The following SPOCK1 variants were observed in gnomAD, a reference collection of about 807,000 sequenced individuals.
SPOCK1 encodes the protein SPARC (osteonectin), cwcv and kazal like domains proteoglycan 1.
SPOCK1 carries 23 observed loss-of-function variants against 55.3 expected under a neutral mutation model. The ratio of observed to expected loss-of-function variants is 0.42; its 90% CI spans 0.30 to 0.59. The LOEUF (loss-of-function observed/expected upper bound fraction) is 0.59, where lower values mean the gene tolerates loss of function less well. Among genes scored for constraint, SPOCK1 ranks in the 20% least tolerant of loss-of-function variants. The pLI is 0.22. For synonymous variants in SPOCK1, 226 were observed against 221.0 expected (o/e 1.02, Z -0.20); for missense variants, 499 against 552.5 (o/e 0.90, Z 0.97).
intron 9 of SPOCK1, among the ~76,000 whole-genome samples, chr5:136,980,393 A>C (rs563196781): frequency 5.9e-5 from 9 of 152,204 alleles, no homozygotes; most frequent in Admixed American, 2.0e-4. Flanking sequence ...TATGTTACTA[A>C]GTGATTGATA....
intron 2 of SPOCK1, among the ~76,000 whole-genome samples, chr5:137,477,993 G>T (rs1753871062): frequency 6.6e-6 from 1 of 152,220 alleles, no homozygotes; most frequent in Admixed American, 6.5e-5. Context: ...GTCAAACCCA[G>T]ATTTGAAGTT....
At chr5:137,353,258 G>A (rs564474253) in intron 2 of SPOCK1, among the ~76,000 whole-genome samples, 28 of 152,290 alleles carry the variant, frequency 1.8e-4, no homozygotes, top group African/African-American at 6.5e-4. Context: ...ATGTACGCCT[G>A]TAGTCCCAAC....
chr5:137,416,764 C>A (rs1378318622), intron 2 of SPOCK1, among the ~76,000 whole-genome samples: 1 of 152,110 alleles, frequency 6.6e-6, no homozygotes, highest in East Asian at 1.9e-4. Flanking sequence ...CCCACCAGCA[C>A]CAAGCATTGC....
intron 5 of SPOCK1, among the ~76,000 whole-genome samples, chr5:137,107,471 C>G (rs1401524189): frequency 6.6e-6 from 1 of 152,174 alleles, no homozygotes; most frequent in East Asian, 1.9e-4. Flanking sequence ...TGTCAATTCC[C>G]TGTAGTACCC....
intron 9 of SPOCK1, among the ~76,000 whole-genome samples, chr5:136,981,467 G>A (rs763118893): frequency 6.6e-6 from 1 of 152,024 alleles, no homozygotes; most frequent in Non-Finnish European, 1.5e-5. Context: ...TGCATTTGAC[G>A]CTATGAAGTT....
chr5:137,128,220 C>G (rs1753812514), intron 4 of SPOCK1, among the ~76,000 whole-genome samples: 1 of 152,226 alleles, frequency 6.6e-6, no homozygotes, highest in Non-Finnish European at 1.5e-5. Context: ...GACACAGAAT[C>G]TGCCAGTACC....
intron 5 of SPOCK1, among the ~76,000 whole-genome samples, chr5:137,090,950 A>G (rs1012988542): frequency 6.6e-6 from 1 of 152,028 alleles, no homozygotes; most frequent in Non-Finnish European, 1.5e-5. Flanking sequence ...ATCTCTTTAC[A>G]TACTAATTCA....
chr5:137,060,158 TC>T (rs199736596), intron 6 of SPOCK1, among the ~76,000 whole-genome samples: 1,584 of 152,302 alleles, frequency 0.01, 32 homozygotes, highest in African/African-American at 0.036. Flanking sequence ...CGTCTGTTCA[TC>T]ACAGCACTAT....
chr5:137,331,586 C>T (rs1341170500), intron 2 of SPOCK1, among the ~76,000 whole-genome samples: 1 of 152,132 alleles, frequency 6.6e-6, no homozygotes, highest in African/African-American at 2.4e-5. Context: ...CCTCTGGGGG[C>T]TTTTATTCAT....
intron 3 of SPOCK1, among the ~76,000 whole-genome samples, chr5:137,233,885 T>C (rs1272239585): frequency 1.3e-5 from 2 of 152,136 alleles, no homozygotes; most frequent in African/African-American, 4.8e-5. Context: ...CAGTGCCCTT[T>C]ATTTATTTTT....
chr5:137,153,893 G>C (rs552056575), intron 3 of SPOCK1, among the ~76,000 whole-genome samples: 2 of 151,626 alleles, frequency 1.3e-5, no homozygotes, highest in East Asian at 3.9e-4. Flanking sequence ...AGAAGAAGAA[G>C]AAAAGAAAGA....
intron 5 of SPOCK1, among the ~76,000 whole-genome samples, chr5:137,069,850 A>G (rs1334683592): frequency 1.3e-5 from 2 of 152,250 alleles, no homozygotes; most frequent in African/African-American, 4.8e-5. Context: ...TCATAAAGTC[A>G]AAATTATTAC....
At chr5:137,133,920 A>G (rs1753930040) in intron 4 of SPOCK1, among the ~76,000 whole-genome samples, 1 of 134,930 alleles carries the variant, frequency 7.4e-6, no homozygotes, top group African/African-American at 2.7e-5. Flanking sequence ...GCATCTGTAC[A>G]GCAGCACCTC....
chr5:137,332,031 A>G (rs1374182836), intron 2 of SPOCK1, among the ~76,000 whole-genome samples: 2 of 152,178 alleles, frequency 1.3e-5, no homozygotes, highest in African/African-American at 4.8e-5. Context: ...ACACACCTGA[A>G]AGCCAGTGAT....
chr5:137,090,174 T>C (rs918770947), intron 5 of SPOCK1, among the ~76,000 whole-genome samples: 1 of 152,092 alleles, frequency 6.6e-6, no homozygotes, highest in African/African-American at 2.4e-5. Flanking sequence ...TAGTTTAAGG[T>C]TGTATTTCAA....
intron 6 of SPOCK1, among the ~76,000 whole-genome samples, chr5:137,020,885 CT>C (rs964590791): frequency 2.0e-4 from 30 of 151,948 alleles, no homozygotes; most frequent in South Asian, 2.1e-4. Flanking sequence ...TAAAAACAAC[CT>C]AAAAAAATAG....
intron 2 of SPOCK1, among the ~76,000 whole-genome samples, chr5:137,437,655 A>G (rs1488932512): frequency 6.6e-6 from 1 of 152,242 alleles, no homozygotes; most frequent in Non-Finnish European, 1.5e-5. Flanking sequence ...TGATAATTTA[A>G]CACATTCATA....
At chr5:137,068,411 G>A (rs1415559162) in intron 5 of SPOCK1, among the ~76,000 whole-genome samples, 1 of 152,148 alleles carries the variant, frequency 6.6e-6, no homozygotes, top group African/African-American at 2.4e-5. Context: ...GGATGCCTGT[G>A]GTCTAACTAG....
At chr5:137,372,526 G>A (rs1185481437) in intron 2 of SPOCK1, among the ~76,000 whole-genome samples, 1 of 152,220 alleles carries the variant, frequency 6.6e-6, no homozygotes, top group African/African-American at 2.4e-5. Context: ...ACAGCTAAGA[G>A]GAGACAAGCA....
Sources: gnomAD v4.1 joint callset for allele counts (sites outside exome capture counted in the v4.1 genomes callset) on GRCh38, gnomAD v4.1.1 for gene constraint, MANE v1.5 for transcripts, NCBI Gene and HGNC (gene_info 2026-07-23, HGNC 2026-07-21) for gene names.